Variants in STAT4 observed in about 807,000 individuals in gnomAD.
The protein encoded by STAT4 is signal transducer and activator of transcription 4.
Under a neutral mutation model 110.5 loss-of-function variants are expected in STAT4, and 42 were observed. The ratio of observed to expected loss-of-function variants is 0.38; its 90% CI spans 0.30 to 0.49. The LOEUF (loss-of-function observed/expected upper bound fraction) is 0.49. STAT4 is among the 20% of genes least tolerant of loss of function. STAT4 has a pLI of 0.95. For missense variants in STAT4, 632 were observed against 887.9 expected (o/e 0.71, Z 3.66); for synonymous variants, 284 against 302.2 (o/e 0.94, Z 0.63).
chr2:191,133,517 G>GTATATA (rs1699099158), intron 3 of STAT4, among the ~76,000 whole-genome samples: 1 of 151,534 alleles, frequency 6.6e-6, no homozygotes, highest in Non-Finnish European at 1.5e-5. Flanking sequence ...CCTTCCATCT[G>GTATATA]CATATATACA....
At chr2:191,049,599 T>C (rs1233982915) in intron 14 of STAT4, among the ~76,000 whole-genome samples, 1 of 152,226 alleles carries the variant, frequency 6.6e-6, no homozygotes, top group East Asian at 1.9e-4. Context: ...TATTGTAATG[T>C]CCCCCATGGA....
intron 3 of STAT4, among the ~76,000 whole-genome samples, chr2:191,098,599 G>A (rs1460410326): frequency 6.6e-6 from 1 of 151,896 alleles, no homozygotes; most frequent in Non-Finnish European, 1.5e-5. Flanking sequence ...TCACACATGG[G>A]TGCCAGTCTT....
rs1294247268 is a variant in STAT4, at chr2:191,116,474, ATCT to A, written c.273+30136_273+30138del. On this transcript the variant is annotated intron_variant, in intron 3 of 23. Coordinates refer to ENST00000392320, the MANE Select transcript of STAT4 (RefSeq NM_003151.4). The surrounding 1 kb of genome is among the most constrained non-coding windows in gnomAD (Gnocchi z 4.1). ...AAATACCCGAGTAGCCTAGAAAATA[ATCT>A]TCTAATAAAATCAGTGTAGATTTAC... 5.3e-5 allele frequency among the ~76,000 whole-genome samples: 8 copies of A among 152,360 alleles called. No homozygotes were observed. Among genetic ancestry groups the A allele is most frequent in the African/African-American group, 1.9e-4 (8 of 41,584 alleles).
Position 191,076,210 on chromosome 2 carries a change from A to T in STAT4, c.372+17T>A. 3.1e-6 allele frequency: 5 copies of T among 1,601,924 alleles called. No homozygotes were observed. The highest frequency in any genetic ancestry group is 2.2e-5 in the East Asian group (1 of 44,774). The stretch of plus-strand genomic sequence containing the variant: ...AGTTCAAGGTGATAACAAGATCACA[A>T]GGTCAGAAAATATTACCTGGACAGG... On this transcript the variant is annotated intron_variant, in intron 4 of 23. Transcript: ENST00000392320.
At chr2:191,108,189 G>A (rs924595227) in intron 3 of STAT4, among the ~76,000 whole-genome samples, 1 of 151,946 alleles carries the variant, frequency 6.6e-6, no homozygotes, top group African/African-American at 2.4e-5. Flanking sequence ...TACTTGGGAT[G>A]TTGAGAGAGG....
chr2:191,101,044 T>C (rs949108549), intron 3 of STAT4, among the ~76,000 whole-genome samples: 22 of 152,094 alleles, frequency 1.4e-4, no homozygotes, highest in African/African-American at 5.1e-4. Context: ...TCCTGTCAAA[T>C]CTCTACCCTG....
chr2:191,141,540 G>GATAT (rs57853934), intron 3 of STAT4, among the ~76,000 whole-genome samples: 1 of 143,642 alleles, frequency 7.0e-6, no homozygotes, highest in African/African-American at 2.6e-5. Context: ...ATACATATAT[G>GATAT]ATATATATAT....
chr2:191,092,881 A>C (rs1051823047), intron 3 of STAT4, among the ~76,000 whole-genome samples: 5 of 152,286 alleles, frequency 3.3e-5, no homozygotes, highest in Admixed American at 6.5e-5. Context: ...CAACTGGCAC[A>C]CTGGGAGATT....
chr2:191,035,996 G>A lies in STAT4; in HGVS notation c.1570+168C>T, dbSNP rs564357055. Reference sequence around the variant, plus strand: ...AAGCTGAGCTTTGCAGGACTTTCCTGAGAATTAAAAATAATATAACACTTA... The same window carrying A: ...AAGCTGAGCTTTGCAGGACTTTCCTAAGAATTAAAAATAATATAACACTTA... On this transcript the variant is annotated intron_variant, in intron 17 of 23. Transcript: ENST00000392320. The surrounding 1 kb of genome is among the most constrained non-coding windows in gnomAD (Gnocchi z 4.7). 4.1e-4 allele frequency among the ~76,000 whole-genome samples: 63 copies of A among 152,274 alleles called. No homozygotes were observed. The highest frequency in any genetic ancestry group is 7.9e-4 in the Non-Finnish European group (54 of 68,022).
At position 191,138,002 on chromosome 2, in the gene STAT4, A is replaced by AT. The variant is rs578231788; in HGVS notation, c.273+8610dup. On this transcript the variant is annotated intron_variant, in intron 3 of 23. Transcript: ENST00000392320. This position sits in a 1 kb window ranked among gnomAD's most constrained non-coding sequence, Gnocchi z 4.3. ...GCACAGAAAACAAAAACAAAAATAG[A>AT]TAAATAGAACTACATTAAACTAAAA... Among the ~76,000 whole-genome samples, 192 of 152,358 alleles carry AT rather than the reference A, an allele frequency of 1.3e-3. 2 individuals are homozygous for AT. The South Asian group carries it at 0.027, about 21-fold the overall frequency.
rs1698230193 is a variant in STAT4, at chr2:191,104,668, C to T, written c.274-28343G>A. 6.6e-6 allele frequency among the ~76,000 whole-genome samples: 1 copy of T among 152,172 alleles called. No individual in the cohort carries two copies. On this transcript the variant is annotated intron_variant, in intron 3 of 23. Coordinates refer to ENST00000392320, the MANE Select transcript of STAT4 (RefSeq NM_003151.4). The surrounding 1 kb of genome is among the most constrained non-coding windows in gnomAD (Gnocchi z 4.3). ...TCATCATTTTATAAAACATAAAACA[C>T]TCCTCCCCATATGATTTGAAAGGAT...
intron 14 of STAT4, among the ~76,000 whole-genome samples, chr2:191,052,112 C>A (rs1340453865): frequency 6.6e-6 from 1 of 152,124 alleles, no homozygotes; most frequent in Non-Finnish European, 1.5e-5. Flanking sequence ...TAATTTGTGA[C>A]CACAATCCCT....
chr2:191,127,157 C>T (rs1285289026), intron 3 of STAT4, among the ~76,000 whole-genome samples: 7 of 151,922 alleles, frequency 4.6e-5, no homozygotes, highest in Non-Finnish European at 8.8e-5. Flanking sequence ...TCAGAATTCT[C>T]CAATATTCTT....
Position 191,061,795 on chromosome 2 carries a change from C to T in STAT4, c.968G>A (p.Cys323Tyr), listed in dbSNP as rs1399751509. Reference sequence around the variant, plus strand: ...CGGCCTCTGAGGGTGGGTTGGCATACATGGCTGTCGCTCAACCACAAATGA... The same window carrying T: ...CGGCCTCTGAGGGTGGGTTGGCATATATGGCTGTCGCTCAACCACAAATGA... ...KNSFVVERQPCMPTHPQRPLV... is the reference protein window; with the variant it reads ...KNSFVVERQPYMPTHPQRPLV... Residue 323 changes from cysteine (C) to tyrosine (Y), a missense_variant, in exon 10 of 24, where the codon TGT becomes TAT. By Grantham distance (194) the Cys-to-Tyr change is radical. Around this residue, in one of 4 missense-constraint regions of STAT4, gnomAD observed 488 missense variants for 632.8 expected, o/e 0.77. Transcript: ENST00000392320. The surrounding 1 kb of genome is among the most constrained non-coding windows in gnomAD (Gnocchi z 6.2). 1.2e-6 allele frequency: 2 copies of T among 1,612,534 alleles called. No individual in the cohort carries two copies. Among genetic ancestry groups the T allele is most frequent in the Non-Finnish European group, 1.7e-6 (2 of 1,179,602 alleles).
chr2:191,041,858 G>T (rs963610155), intron 14 of STAT4, among the ~76,000 whole-genome samples: 18 of 152,226 alleles, frequency 1.2e-4, no homozygotes, highest in Admixed American at 4.6e-4. Flanking sequence ...GCACAGGAGG[G>T]AGGTTTGCTC....
chr2:191,097,195 C>A (rs557385728), intron 3 of STAT4, among the ~76,000 whole-genome samples: 1 of 152,270 alleles, frequency 6.6e-6, no homozygotes, highest in African/African-American at 2.4e-5. Context: ...GCCATACTGC[C>A]CAATATAATT....
rs1302092096 is a variant in STAT4 at position 191,142,458 on chromosome 2, G to T, written c.273+4155C>A. ...AATATAGATACCAGAGGCTGGGAAG[G>T]GTGGGTGGATGGAGGGAAATGAAAA... On this transcript the variant is annotated intron_variant, in intron 3 of 23. Transcript: ENST00000392320. The surrounding 1 kb of genome is among the most constrained non-coding windows in gnomAD (Gnocchi z 4.1). Among the ~76,000 whole-genome samples, 1 of 152,108 alleles carries T rather than the reference G, an allele frequency of 6.6e-6. No individual in the cohort carries two copies. Among genetic ancestry groups the T allele is most frequent in the Non-Finnish European group, 1.5e-5 (1 of 68,022 alleles).
Position 191,097,518 on chromosome 2 carries a change from GAAAGGATTCCCTATTTAAT to G in STAT4, c.274-21212_274-21194del, listed in dbSNP as rs1698026364. 3.3e-5 allele frequency among the ~76,000 whole-genome samples: 5 copies of G among 152,222 alleles called. No individual in the cohort carries two copies. In the South Asian group the frequency reaches 1.0e-3, roughly 32 times the overall value. Reference sequence around the variant, plus strand: ...AAACCTGAGAAAAACAAGAAATGGGGAAAGGATTCCCTATTTAATAAATGGTGCTGGGAAAACTGGCTAG... The same window carrying G: ...AAACCTGAGAAAAACAAGAAATGGGGAAATGGTGCTGGGAAAACTGGCTAG... On this transcript the variant is annotated intron_variant, in intron 3 of 23. Coordinates refer to ENST00000392320, the MANE Select transcript of STAT4 (RefSeq NM_003151.4).
chr2:191,095,169 AG>A (rs1697934059), intron 3 of STAT4, among the ~76,000 whole-genome samples: 1 of 152,140 alleles, frequency 6.6e-6, no homozygotes, highest in Admixed American at 6.5e-5. Flanking sequence ...TTAAAGTTGG[AG>A]ACTTTAACAC....
Sources: allele counts gnomAD v4.1 joint callset (sites outside exome capture counted in the v4.1 genomes callset), GRCh38; gene constraint gnomAD v4.1.1; regional missense constraint gnomAD v4.1.1; non-coding constraint Gnocchi (gnomAD v3.1); transcripts MANE v1.5; gene names NCBI Gene and HGNC (gene_info 2026-07-23, HGNC 2026-07-21).